The following GALNT14 variants were observed in gnomAD, a reference collection of about 807,000 sequenced individuals.
GALNT14 encodes polypeptide N-acetylgalactosaminyltransferase 14, also known as UDP-GalNAc:polypeptide N-acetylgalactosaminyltransferase 14.
GALNT14 carries 60 observed loss-of-function variants against 77.5 expected under a neutral mutation model. That is an observed-to-expected ratio of 0.77 (90% CI 0.63 to 0.96). The LOEUF (loss-of-function observed/expected upper bound fraction) is 0.96. Among genes scored for constraint, GALNT14 ranks in the 40% least tolerant of loss-of-function variants. GALNT14 has a pLI of 0.00. For missense variants in GALNT14, 710 were observed against 731.0 expected (o/e 0.97, Z 0.33); for synonymous variants, 280 against 281.7 (o/e 0.99, Z 0.06).
chr2:31,051,524 A>T (rs1366550807), intron 1 of GALNT14, among the ~76,000 whole-genome samples: 1 of 152,142 alleles, frequency 6.6e-6, no homozygotes, highest in Non-Finnish European at 1.5e-5. Flanking sequence ...AGACTACACC[A>T]ACTCTTACCT....
intron 1 of GALNT14, chr2:31,132,694 A>G: frequency 2.1e-6 from 1 of 471,084 alleles, no homozygotes; most frequent in Non-Finnish European, 4.4e-6. Flanking sequence ...TGTAGGCTGC[A>G]CTAACTTTGG....
At chr2:31,026,347 G>A (rs1484794422) in intron 1 of GALNT14, among the ~76,000 whole-genome samples, 1 of 152,188 alleles carries the variant, frequency 6.6e-6, no homozygotes, top group African/African-American at 2.4e-5. Flanking sequence ...TTAGCACGAG[G>A]ATGCTCTGGC....
the GALNT14 span, among the ~76,000 whole-genome samples, chr2:30,887,888 T>C: frequency 2.0e-5 from 3 of 152,312 alleles, no homozygotes; most frequent in East Asian, 1.9e-4. Flanking sequence ...GTGTTTATAG[T>C]GTGAGGTAGG....
chr2:30,959,812 A>T (rs997307126), intron 3 of GALNT14, among the ~76,000 whole-genome samples: 1 of 152,130 alleles, frequency 6.6e-6, no homozygotes, highest in Non-Finnish European at 1.5e-5. Context: ...AGATGACTGG[A>T]TCCTGCTTCT....
intron 2 of GALNT14, among the ~76,000 whole-genome samples, chr2:30,969,659 C>T (rs1668224813): frequency 1.3e-5 from 2 of 152,098 alleles, no homozygotes; most frequent in South Asian, 4.1e-4. Flanking sequence ...AGAAATGGGG[C>T]ACAGAATTCC....
At chr2:31,125,103 G>T in intron 1 of GALNT14, 2 of 1,326,818 alleles carry the variant, frequency 1.5e-6, no homozygotes, top group Non-Finnish European at 2.1e-6. Flanking sequence ...GCCTGCTTGG[G>T]CAGAAAAGCA....
chr2:30,925,757 G>A (rs554998950), intron 11 of GALNT14, among the ~76,000 whole-genome samples: 1 of 152,328 alleles, frequency 6.6e-6, no homozygotes, highest in East Asian at 1.9e-4. Flanking sequence ...CTTGTTTAAA[G>A]GGCACTGGGA....
intron 13 of GALNT14, among the ~76,000 whole-genome samples, chr2:30,923,568 G>A (rs917001936): frequency 2.6e-5 from 4 of 152,246 alleles, no homozygotes; most frequent in African/African-American, 9.6e-5. Context: ...AGAGGCAGGA[G>A]ATGCAGAGGT....
In GALNT14 at chr2:30,945,081, T is replaced by A. The variant is rs898221322; in HGVS notation, c.743-139A>T. 1.6e-5 allele frequency: 10 copies of A among 608,984 alleles called. No homozygotes were observed. In the African/African-American group the frequency reaches 1.8e-4, roughly 11 times the overall value. The allele number at this position is 608,984 out of a possible 1,614,324, so 37.7% of individuals were successfully genotyped here. A position where few individuals can be genotyped will look rare whatever the true frequency, so the allele number is the denominator to read the frequency against. On this transcript the variant is annotated intron_variant, in intron 7 of 14. Transcript: ENST00000349752. ...AGGCCGGTCCCTGGGATTGCAGGTT[T>A]CCCTAGGCTGATCAGCAGCATGGCT... is the stretch of plus-strand genomic sequence containing the variant.
At chr2:31,034,922 T>C (rs960620430) in intron 1 of GALNT14, among the ~76,000 whole-genome samples, 1 of 152,252 alleles carries the variant, frequency 6.6e-6, no homozygotes, top group African/African-American at 2.4e-5. Flanking sequence ...CCTTTCATCA[T>C]TGATTTCCAA....
At chr2:31,109,661 G>A (rs1027733775) in intron 1 of GALNT14, among the ~76,000 whole-genome samples, 10 of 152,210 alleles carry the variant, frequency 6.6e-5, no homozygotes, top group Non-Finnish European at 4.4e-5. Flanking sequence ...TAATGGACGC[G>A]ATGTGGTACA....
intron 9 of GALNT14, among the ~76,000 whole-genome samples, chr2:30,934,224 T>A (rs1028167755): frequency 6.6e-6 from 1 of 152,110 alleles, no homozygotes; most frequent in African/African-American, 2.4e-5. Flanking sequence ...CACATCCCCA[T>A]CTTGCAGTAG....
chr2:30,987,750 G>A (rs1669399749), intron 2 of GALNT14, among the ~76,000 whole-genome samples: 1 of 104,632 alleles, frequency 9.6e-6, no homozygotes, highest in African/African-American at 3.7e-5. Context: ...CCCACCTGCT[G>A]CCTCCCACAT....
chr2:30,915,207 A>ATGGG (rs1222636764), intron 13 of GALNT14, among the ~76,000 whole-genome samples: 2 of 15,298 alleles, frequency 1.3e-4, no homozygotes, highest in Admixed American at 1.1e-3. Flanking sequence ...GAAGTGCTGG[A>ATGGG]TGGGTGGGTG....
intron 1 of GALNT14, among the ~76,000 whole-genome samples, chr2:31,122,176 C>T (rs888220051): frequency 1.3e-5 from 2 of 152,132 alleles, no homozygotes; most frequent in African/African-American, 2.4e-5. Context: ...CTAGGAAGGC[C>T]GGCCACTGGA....
At chr2:31,118,688 T>C (rs1678237629) in intron 1 of GALNT14, among the ~76,000 whole-genome samples, 1 of 152,294 alleles carries the variant, frequency 6.6e-6, no homozygotes, top group South Asian at 2.1e-4. Flanking sequence ...ATTTTGAAAG[T>C]TCTCATGAAT....
chr2:31,011,590 C>G (rs939252823), intron 1 of GALNT14, among the ~76,000 whole-genome samples: 11 of 152,264 alleles, frequency 7.2e-5, no homozygotes, highest in Non-Finnish European at 1.5e-4. Context: ...TCCAGTGCCA[C>G]CCTGGGGCCA....
intron 1 of GALNT14, among the ~76,000 whole-genome samples, chr2:31,113,547 G>A (rs1179532311): frequency 6.6e-6 from 1 of 152,196 alleles, no homozygotes; most frequent in African/African-American, 2.4e-5. Flanking sequence ...TGAGTCCTCT[G>A]TAGCCTGGAG....
In GALNT14 at chr2:31,125,126, C is replaced by A. The variant is rs1447944099; in HGVS notation, c.129+12832G>T. 1.6e-5 allele frequency: 24 copies of A among 1,495,902 alleles called. No individual in the cohort carries two copies. The Admixed American group carries it at 4.7e-4, about 29-fold the overall frequency. The allele number at this position is 1,495,902 out of a possible 1,614,324, so 92.7% of individuals were successfully genotyped here. On this transcript the variant is annotated intron_variant, in intron 1 of 14. Transcript: ENST00000349752. ...GGGCAGAAAAGCAGCTGGCACCTCA[C>A]ACTCCTGGGGACACACAGTCAACCT... is the stretch of plus-strand genomic sequence containing the variant.
Sources: gnomAD v4.1 joint callset for allele counts (sites outside exome capture counted in the v4.1 genomes callset) on GRCh38, gnomAD v4.1.1 for gene constraint, MANE v1.5 for transcripts, NCBI Gene and HGNC (gene_info 2026-07-23, HGNC 2026-07-21) for gene names.